The following TLE5 variants were observed in gnomAD, a reference collection of about 807,000 sequenced individuals.
TLE5 encodes the protein TLE family member 5.
Under a neutral mutation model 25.8 loss-of-function variants are expected in TLE5, and 7 were observed. That is an observed-to-expected ratio of 0.27 (90% confidence interval 0.15 to 0.51). The LOEUF (loss-of-function observed/expected upper bound fraction) is 0.51, where lower values mean the gene tolerates loss of function less well. Ranked by LOEUF, TLE5 falls within the 20% of genes least tolerant of loss-of-function variation. The pLI is 0.97. For synonymous variants in TLE5, 132 were observed against 110.5 expected, an observed-to-expected ratio of 1.20 and a Z score of -1.22; for missense variants, 149 against 250.7, an observed-to-expected ratio of 0.59 and a Z score of 2.74.
chr19:3,053,918 C>G lies in TLE5; in HGVS notation c.495G>C (p.Ser165=). 6.2e-7 allele frequency: 1 copy of G among 1,612,960 alleles called. No homozygotes were observed. Among genetic ancestry groups the G allele is most frequent in the Non-Finnish European group, 8.5e-7 (1 of 1,179,984 alleles). The part of the protein sequence containing the change: ...PAVSAGTGLL[S]LSALGSQAHL... ...GGGCCTGGGAACCCAGCGCGGACAG[C>G]GAGAGGAGGCCGGTGCCTGCGCTGA... Residue 165 remains serine (S), a synonymous_variant, in exon 7 of 7, where the codon TCG becomes TCC. Coordinates refer to ENST00000327141, the MANE Select transcript of TLE5 (RefSeq NM_001130.6).
At chr19:3,058,823 G>A (rs1343322574) in intron 2 of TLE5, among the ~76,000 whole-genome samples, 1 of 152,116 alleles carries the variant, frequency 6.6e-6, no homozygotes, top group African/African-American at 2.4e-5. Context: ...CCCAGCACAG[G>A]GGCCCTGCGG....
In TLE5 at chr19:3,062,251, C is replaced by T. The variant is rs1599276452; in HGVS notation, c.-51G>A. ...TGCGCCCCGGCTGTGCGCCCCGGCT[C>T]GGGCTGCTGGGGGCGCCGGGCGGCC... On this transcript the variant is annotated 5_prime_UTR_variant, in exon 1 of 7. Transcript: ENST00000327141. 7.5e-6 allele frequency: 8 copies of T among 1,071,964 alleles called. No homozygotes were observed. The highest frequency in any genetic ancestry group is 4.4e-5 in the South Asian group (1 of 22,840). The allele number at this position is 1,071,964 out of a possible 1,614,324, so 66.4% of individuals were successfully genotyped here.
rs992918912 is a variant in TLE5 at position 3,062,225 on chromosome 19, C to CTGCGCCCCGGCTG, written c.-38_-26dup. The CTGCGCCCCGGCTG allele has an allele frequency of 6.3e-6, 7 of 1,115,470 alleles. No individual in the cohort carries two copies. In the Admixed American group the frequency reaches 2.1e-4, roughly 33 times the overall value. 69.1% of individuals were successfully genotyped at this position (1,115,470 alleles called of 1,614,324 possible). A position where few individuals can be genotyped will look rare whatever the true frequency, so the allele number is the denominator to read the frequency against. ...TGTCAATCGCGGCGGGGGGCGCGGG[C>CTGCGCCCCGGCTG]TGCGCCCCGGCTGTGCGCCCCGGCT... is the stretch of plus-strand genomic sequence containing the variant. On this transcript the variant is annotated 5_prime_UTR_variant, in exon 1 of 7. Coordinates refer to ENST00000327141, the MANE Select transcript of TLE5 (RefSeq NM_001130.6).
chr19:3,058,055 G>A (rs1390376993), intron 2 of TLE5, among the ~76,000 whole-genome samples: 1 of 151,614 alleles, frequency 6.6e-6, no homozygotes, highest in Non-Finnish European at 1.5e-5. Context: ...TAGGGGCTGA[G>A]GACATTGAAT....
At chr19:3,062,778 T>G, upstream of TLE5, 3 of 1,549,080 alleles carry the variant, frequency 1.9e-6, no homozygotes, top group Non-Finnish European at 2.6e-6. Flanking sequence ...CCGCCGGCCC[T>G]GCTGTGGCAC....
chr19:3,053,975 G>C lies in TLE5; in HGVS notation c.438C>G (p.Pro146=). The C allele has an allele frequency of 6.2e-7, 1 of 1,610,126 alleles. No individual in the cohort carries two copies. Among genetic ancestry groups the C allele is most frequent in the Non-Finnish European group, 8.5e-7 (1 of 1,178,888 alleles). Residue 146 remains proline (P), a synonymous_variant, in exon 7 of 7, where the codon CCC becomes CCG. Coordinates refer to ENST00000327141, the MANE Select transcript of TLE5 (RefSeq NM_001130.6). Reference sequence around the variant, plus strand: ...GCAGCGAAGGCGGCTGCAGCCCCACGGGTAGTGGGGTCAAGGGCAGGGCCA... The same window carrying C: ...GCAGCGAAGGCGGCTGCAGCCCCACCGGTAGTGGGGTCAAGGGCAGGGCCA... The part of the protein sequence containing the change: ...QALALPLTPL[P]VGLQPPSLPA...
intron 1 of TLE5, 28 bp from the exon 2 acceptor site, chr19:3,061,285 G>C: frequency 6.4e-7 from 1 of 1,573,328 alleles, no homozygotes. Context: ...CCCGGGTCAG[G>C]CCCAGGCGTG....
intron 2 of TLE5, among the ~76,000 whole-genome samples, chr19:3,058,781 G>A (rs965845614): frequency 6.6e-6 from 1 of 152,194 alleles, no homozygotes; most frequent in Non-Finnish European, 1.5e-5. Flanking sequence ...GATGGTGGTG[G>A]GGGAGGTGTC....
chr19:3,055,541 G>T (rs918289684), intron 5 of TLE5, 123 bp downstream of exon 5: 1 of 787,190 alleles, frequency 1.3e-6, no homozygotes, highest in Non-Finnish European at 1.9e-6. Context: ...AGCCAGGGAG[G>T]TCCAGAGAGG....
chr19:3,062,537 C>G, upstream of TLE5: 1 of 704,444 alleles, frequency 1.4e-6, no homozygotes, highest in Non-Finnish European at 1.7e-6. Flanking sequence ...CTCCACCTGC[C>G]GCCGCCCGTG....
chr19:3,062,360 TCCCCGCGCGCCCGGC>T lies in TLE5; in HGVS notation c.-175_-161del. ...GGCCTCGCCCGCTTCCTGCGCCCCC[TCCCCGCGCGCCCGGC>T]CCCGGCGCGCCCCGGGCCCCGCTTC... On this transcript the variant is annotated 5_prime_UTR_variant, in exon 1 of 7. Transcript: ENST00000327141. 1 of 918,400 alleles carries T rather than the reference TCCCCGCGCGCCCGGC, an allele frequency of 1.1e-6. No homozygotes were observed. The highest frequency in any genetic ancestry group is 1.3e-6 in the Non-Finnish European group (1 of 785,572). 56.9% of individuals were successfully genotyped at this position (918,400 alleles called of 1,614,324 possible).
rs542486119 is a variant in TLE5, at chr19:3,059,293, G to A, written c.126-1551C>T. Reference sequence around the variant, plus strand: ...TCCCAGCATTTTGGGAGGCCAAGGCGGGTGGATCACTTGAGGTCAGGAGTT... The same window carrying A: ...TCCCAGCATTTTGGGAGGCCAAGGCAGGTGGATCACTTGAGGTCAGGAGTT... On this transcript the variant is annotated intron_variant, in intron 2 of 6. Coordinates refer to ENST00000327141, the MANE Select transcript of TLE5 (RefSeq NM_001130.6). Among the ~76,000 whole-genome samples, 8 of 152,184 alleles carry A rather than the reference G, an allele frequency of 5.3e-5. No homozygotes were observed. In the East Asian group the frequency reaches 1.5e-3, roughly 29 times the overall value.
In TLE5 at chr19:3,053,939, G is replaced by A. The variant is rs777968760; in HGVS notation, c.474C>T (p.Ser158=). Residue 158 remains serine, a synonymous_variant, in exon 7 of 7, where the codon AGC becomes AGT. Coordinates refer to ENST00000327141, the MANE Select transcript of TLE5 (RefSeq NM_001130.6). ...ACAGCGAGAGGAGGCCGGTGCCTGC[G>A]CTGACCGCCGGCAGCGAAGGCGGCT... is the stretch of plus-strand genomic sequence containing the variant. ...GLQPPSLPAV[S]AGTGLLSLSA... The A allele has an allele frequency of 1.5e-5, 24 of 1,611,964 alleles. No individual in the cohort carries two copies. In the East Asian group the frequency reaches 2.7e-4, roughly 18 times the overall value.
At position 3,055,827 on chromosome 19, in the gene TLE5, C is replaced by A. The variant is rs972915723; in HGVS notation, c.235-101G>T. On this transcript the variant is annotated intron_variant, in intron 4 of 6. Coordinates refer to ENST00000327141, the MANE Select transcript of TLE5 (RefSeq NM_001130.6). The stretch of plus-strand genomic sequence containing the variant: ...GGGCCCGGCCCAGCCCTGCCACTTG[C>A]GGCTTCTAAGAGGGGCTAGGTCTGG... The A allele has an allele frequency of 1.5e-5, 20 of 1,323,114 alleles. No homozygotes were observed. In the East Asian group the frequency reaches 4.9e-4, roughly 33 times the overall value. 82.0% of individuals were successfully genotyped at this position (1,323,114 alleles called of 1,614,324 possible).
chr19:3,057,518 C>T, intron 3 of TLE5, 161 bp downstream of exon 3: 1 of 692,304 alleles, frequency 1.4e-6, no homozygotes, highest in Non-Finnish European at 2.4e-6. Flanking sequence ...GCGAGGCAGG[C>T]TCAGCCCAGC....
chr19:3,055,422 C>T (rs1305696148), intron 5 of TLE5: 1 of 375,416 alleles, frequency 2.7e-6, no homozygotes, highest in African/African-American at 2.1e-5. Flanking sequence ...ACATGACTCA[C>T]TCCAGCTGGG....
At chr19:3,061,504 G>C (rs1468718114) in intron 1 of TLE5, 4 of 310,936 alleles carry the variant, frequency 1.3e-5, no homozygotes, top group African/African-American at 9.0e-5. Flanking sequence ...GTGGGGGTGC[G>C]TTTTAAGGCC....
chr19:3,060,371 T>C (rs946006654), intron 2 of TLE5, among the ~76,000 whole-genome samples: 7 of 145,704 alleles, frequency 4.8e-5, no homozygotes, highest in African/African-American at 1.8e-4. Context: ...GTCTCCCTGT[T>C]ACCCAGGCTG....
chr19:3,054,563 A>T, intron 5 of TLE5: 1 of 329,332 alleles, frequency 3.0e-6, no homozygotes, highest in East Asian at 6.6e-5. Context: ...TGCAGTACAC[A>T]ACCTGCCCAA....
Sources: gnomAD v4.1 joint callset for allele counts (sites outside exome capture counted in the v4.1 genomes callset) on GRCh38, gnomAD v4.1.1 for gene constraint, MANE v1.5 for transcripts, NCBI Gene and HGNC (gene_info 2026-07-23, HGNC 2026-07-21) for gene names.